Variants in FBXO41 observed in about 807,000 individuals in gnomAD.
FBXO41 encodes F-box protein 41.
A neutral mutation model predicts 81.6 loss-of-function variants in FBXO41; 33 were observed. The ratio of observed to expected loss-of-function variants is 0.40; its 90% CI spans 0.31 to 0.54. The LOEUF is 0.54. Among genes scored for constraint, FBXO41 ranks in the 20% least tolerant of loss-of-function variants. The pLI, the probability that FBXO41 is intolerant of heterozygous loss-of-function variation, is 0.39. For synonymous variants in FBXO41, 576 were observed against 552.7 expected, an observed-to-expected ratio of 1.04 and a Z score of -0.59; for missense variants, 1,107 against 1,236.0, an observed-to-expected ratio of 0.90 and a Z score of 1.56.
rs772685919 is a variant in FBXO41 at position 73,265,488 on chromosome 2, C to T, written c.1358G>A (p.Arg453Gln). ...RAQAANGGSE[R>Q]SQPPRSSGLR... ...GCCTGAGCTGCGAGGGGGCTGGGAC[C>T]GCTCTGAGCCCCCGTTGGCAGCCTG... Residue 453 changes from arginine to glutamine, a missense_variant, in exon 5 of 13, where the codon CGG (arginine) becomes CAG (glutamine). Coordinates refer to ENST00000520530, the MANE Select transcript of FBXO41 (RefSeq NM_001371389.2). 13 of 1,598,632 alleles carry T rather than the reference C, an allele frequency of 8.1e-6. No individual in the cohort carries two copies. Among genetic ancestry groups the T allele is most frequent in the Admixed American group, 3.4e-5 (2 of 58,840 alleles).
intron 2 of FBXO41, among the ~76,000 whole-genome samples, chr2:73,267,884 G>C (rs929758121): frequency 1.3e-5 from 2 of 152,180 alleles, no homozygotes; most frequent in Admixed American, 6.5e-5. Context: ...CAGTATGGTT[G>C]TACATACTGT....
intron 9 of FBXO41, 33 bp downstream of exon 9, chr2:73,263,180 C>T (rs749412991): frequency 1.3e-6 from 2 of 1,534,888 alleles, no homozygotes; most frequent in South Asian, 1.2e-5. Flanking sequence ...AACCGTGTCC[C>T]CCCTCCTATC....
chr2:73,279,619 G>A (rs1688790764), intron 1 of FBXO41, among the ~76,000 whole-genome samples: 1 of 152,156 alleles, frequency 6.6e-6, no homozygotes, highest in Admixed American at 6.5e-5. Context: ...GAGCAGAAGA[G>A]GGAAGGGCCC....
At chr2:73,264,100 G>C (rs1414145979) in intron 6 of FBXO41, 47 bp from the exon 7 acceptor site, 2 of 1,559,494 alleles carry the variant, frequency 1.3e-6, no homozygotes, top group South Asian at 2.3e-5. Context: ...GTCTGAACTT[G>C]GTTGGCTGGA....
At chr2:73,282,341 A>C (rs1688871187) in intron 1 of FBXO41, among the ~76,000 whole-genome samples, 1 of 152,184 alleles carries the variant, frequency 6.6e-6, no homozygotes, top group Non-Finnish European at 1.5e-5. Context: ...GCCACTAGAG[A>C]GGTAAAGAGA....
At position 73,259,049 on chromosome 2, in the gene FBXO41, G is replaced by A. The variant is rs538622406; in HGVS notation, c.2566-5C>T. The A allele has an allele frequency of 5.2e-5, 84 of 1,603,924 alleles. No individual in the cohort carries two copies. The highest frequency in any genetic ancestry group is 6.5e-5 in the Non-Finnish European group (76 of 1,175,202). On this transcript the variant is annotated splice_polypyrimidine_tract_variant and splice_region_variant and intron_variant, in intron 12 of 12. Coordinates refer to ENST00000520530, the MANE Select transcript of FBXO41 (RefSeq NM_001371389.2). The surrounding 1 kb of genome is among the most constrained non-coding windows in gnomAD (Gnocchi z 4.2). ...GCCGGGCCTCCGTCGCAGAGCCTGC[G>A]GACCGAACCCTGGGTTAGTTCTCCC...
chr2:73,283,548 CTG>C (rs2103925096), intron 1 of FBXO41, among the ~76,000 whole-genome samples: 2 of 152,334 alleles, frequency 1.3e-5, no homozygotes, highest in Non-Finnish European at 2.9e-5. Flanking sequence ...CGCTGGCCGA[CTG>C]TGGGCAGTGC....
Position 73,268,899 on chromosome 2 carries a change from C to T in FBXO41, c.732G>A (p.Lys244=), listed in dbSNP as rs1448546944. ...GCCGCGCAGTCTCCAGTTCGGCCGC[C>T]TTGCGCTCCAGCTCGGCCTGCAGCC... ...VGRLQAELER[K]AAELETARQE... The change falls in exon 2 of 13, where the codon AAG becomes AAA. Residue 244 remains lysine, a synonymous_variant. Transcript: ENST00000520530. 2.6e-6 allele frequency: 4 copies of T among 1,549,800 alleles called. No individual in the cohort carries two copies. Among genetic ancestry groups the T allele is most frequent in the Non-Finnish European group, 3.5e-6 (4 of 1,150,104 alleles).
Position 73,259,060 on chromosome 2 carries a change from T to A in FBXO41, c.2566-16A>T. 1 of 1,606,220 alleles carries A rather than the reference T, an allele frequency of 6.2e-7. No homozygotes were observed. The highest frequency in any genetic ancestry group is 8.5e-7 in the Non-Finnish European group (1 of 1,176,170). ...GTCGCAGAGCCTGCGGACCGAACCCTGGGTTAGTTCTCCCTCCGTGCCAGG... is the reference window on the plus strand; with the variant it reads ...GTCGCAGAGCCTGCGGACCGAACCCAGGGTTAGTTCTCCCTCCGTGCCAGG... On this transcript the variant is annotated splice_polypyrimidine_tract_variant and intron_variant, in intron 12 of 12. Coordinates refer to ENST00000520530, the MANE Select transcript of FBXO41 (RefSeq NM_001371389.2). This position sits in a 1 kb window ranked among gnomAD's most constrained non-coding sequence, Gnocchi z 4.2.
intron 2 of FBXO41, among the ~76,000 whole-genome samples, chr2:73,267,189 C>G (rs1183845268): frequency 1.3e-5 from 2 of 152,200 alleles, no homozygotes; most frequent in African/African-American, 4.8e-5. Flanking sequence ...CACAGAGGCT[C>G]ATTACACAGC....
intron 5 of FBXO41, 21 bp from the exon 6 acceptor site, chr2:73,264,540 A>G (rs759086143): frequency 9.6e-5 from 154 of 1,612,220 alleles, no homozygotes; most frequent in Non-Finnish European, 1.3e-4. Flanking sequence ...CCAGGGGTTC[A>G]AAAGTGAGCG....
intron 1 of FBXO41, among the ~76,000 whole-genome samples, chr2:73,277,071 TTGCCTCACAGCA>T (rs1396881937): frequency 6.6e-6 from 1 of 152,214 alleles, no homozygotes; most frequent in Non-Finnish European, 1.5e-5. Context: ...GTGCCCCTTT[TTGCCTCACAGCA>T]TCCTGCTAGC....
chr2:73,259,359 T>C lies in FBXO41; in HGVS notation c.2450-63A>G. The C allele has an allele frequency of 7.7e-7, 1 of 1,302,782 alleles. No individual in the cohort carries two copies. The highest frequency in any genetic ancestry group is 1.1e-6 in the Non-Finnish European group (1 of 899,696). The allele number at this position is 1,302,782 out of a possible 1,614,324, so 80.7% of individuals were successfully genotyped here. A position where few individuals can be genotyped will look rare whatever the true frequency, so the allele number is the denominator to read the frequency against. ...TGGGCTGTGGAGCTGCCTCCTCTCCTCTCACTAATTAATGAAATCAGACAA... is the reference window on the plus strand; with the variant it reads ...TGGGCTGTGGAGCTGCCTCCTCTCCCCTCACTAATTAATGAAATCAGACAA... On this transcript the variant is annotated intron_variant, in intron 11 of 12. Transcript: ENST00000520530. This position sits in a 1 kb window ranked among gnomAD's most constrained non-coding sequence, Gnocchi z 4.2.
chr2:73,265,389 A>C lies in FBXO41; in HGVS notation c.1457T>G (p.Val486Gly), dbSNP rs745683309. 3.7e-6 allele frequency: 6 copies of C among 1,611,426 alleles called. No homozygotes were observed. The South Asian group carries it at 6.6e-5, about 18-fold the overall frequency. Residue 486 changes from valine (V) to glycine (G), a missense_variant, in exon 5 of 13, where the codon GTC (valine) becomes GGC (glycine). Coordinates refer to ENST00000520530, the MANE Select transcript of FBXO41 (RefSeq NM_001371389.2). ...RHSTEGEEGD[V>G]SDVGSRTTES... ...AGTGGTTCGGGAGCCAACGTCGGAG[A>C]CATCACCCTCTTCCCCCTCAGTGCT... is the stretch of plus-strand genomic sequence containing the variant.
rs1688143446 is a variant in FBXO41, at chr2:73,264,344, G to A, written c.1740C>T (p.Arg580=). The change falls in exon 6 of 13, where the codon CGC becomes CGT. Residue 580 remains arginine (R), a synonymous_variant. Transcript: ENST00000520530. The part of the protein sequence containing the change: ...LHAAEVCRDW[R]FVARHPAVWT... Reference sequence around the variant, plus strand: ...AGACTGCGGGGTGGCGGGCCACGAAGCGCCAGTCCCGGCAGACCTCGGCAG... The same window carrying A: ...AGACTGCGGGGTGGCGGGCCACGAAACGCCAGTCCCGGCAGACCTCGGCAG... 2 of 1,613,578 alleles carry A rather than the reference G, an allele frequency of 1.2e-6. No homozygotes were observed. The highest frequency in any genetic ancestry group is 2.2e-5 in the South Asian group (2 of 91,094).
In FBXO41 at chr2:73,260,727, A is replaced by C; in HGVS notation, c.2290+13T>G. On this transcript the variant is annotated intron_variant, in intron 10 of 12. Transcript: ENST00000520530. This position sits in a 1 kb window ranked among gnomAD's most constrained non-coding sequence, Gnocchi z 5.0. ...TCCCACTACCCACCACCCCAGTCCA[A>C]GGAAAGACTCACCGAGTGATGCCAG... is the stretch of plus-strand genomic sequence containing the variant. 1 of 1,537,150 alleles carries C rather than the reference A, an allele frequency of 6.5e-7. No homozygotes were observed. The highest frequency in any genetic ancestry group is 8.8e-7 in the Non-Finnish European group (1 of 1,137,094).
At chr2:73,274,754 C>T (rs952190474) in intron 1 of FBXO41, among the ~76,000 whole-genome samples, 2 of 151,868 alleles carry the variant, frequency 1.3e-5, no homozygotes, top group African/African-American at 2.4e-5. Context: ...TTTTTAGAAA[C>T]AGGGTCTCAC....
In FBXO41 at chr2:73,264,062, G is replaced by A; in HGVS notation, c.1807-9C>T. ...GCCAGCATTGCCAGGAACTGTGGGGGAGGGGAAGGACATTTGGAGATGAAG... is the reference window on the plus strand; with the variant it reads ...GCCAGCATTGCCAGGAACTGTGGGGAAGGGGAAGGACATTTGGAGATGAAG... On this transcript the variant is annotated splice_polypyrimidine_tract_variant and intron_variant, in intron 6 of 12. Coordinates refer to ENST00000520530, the MANE Select transcript of FBXO41 (RefSeq NM_001371389.2). 1.3e-6 allele frequency: 2 copies of A among 1,580,254 alleles called. No individual in the cohort carries two copies. The highest frequency in any genetic ancestry group is 2.7e-5 in the African/African-American group (2 of 74,192).
rs534037105 is a variant in FBXO41 at position 73,254,847 on chromosome 2, G to C, written c.*4135C>G. Reference sequence around the variant, plus strand: ...GGGATGGCGATGCCTGGGTGGGGCAGAGAAGTGTGGCCAGGGAAGGCCCCC... The same window carrying C: ...GGGATGGCGATGCCTGGGTGGGGCACAGAAGTGTGGCCAGGGAAGGCCCCC... On this transcript the variant is annotated 3_prime_UTR_variant, in exon 13 of 13. Transcript: ENST00000520530. 1 of 152,862 alleles carries C rather than the reference G, an allele frequency of 6.5e-6. No homozygotes were observed. The highest frequency in any genetic ancestry group is 2.4e-5 in the African/African-American group (1 of 41,606). 9.5% of individuals were successfully genotyped at this position (152,862 alleles called of 1,614,324 possible).
Sources: allele counts gnomAD v4.1 joint callset (sites outside exome capture counted in the v4.1 genomes callset), GRCh38; gene constraint gnomAD v4.1.1; non-coding constraint Gnocchi (gnomAD v3.1); transcripts MANE v1.5; gene names NCBI Gene and HGNC (gene_info 2026-07-23, HGNC 2026-07-21).